The following RANBP2 variants were observed in gnomAD, a reference collection of about 807,000 sequenced individuals.
RANBP2 encodes RAN binding protein 2, also known as E3 SUMO-protein ligase RanBP2.
RANBP2 carries 57 observed loss-of-function variants against 303.6 expected under a neutral mutation model. That is an observed-to-expected ratio of 0.19 (90% CI 0.15 to 0.23). RANBP2 has a LOEUF of 0.23. Among genes scored for constraint, RANBP2 ranks in the 10% least tolerant of loss-of-function variants. The pLI is 1.00. For synonymous variants in RANBP2, 1,167 were observed against 1,301.5 expected, an observed-to-expected ratio of 0.90 and a Z score of 2.23; for missense variants, 3,138 against 3,780.8, an observed-to-expected ratio of 0.83 and a Z score of 4.46.
At chr2:108,871,448 G>T in the RANBP2 span, among the ~76,000 whole-genome samples, 3 of 151,562 alleles carry the variant, frequency 2.0e-5, no homozygotes, top group South Asian at 6.3e-4. Flanking sequence ...AGTTACTCGG[G>T]AGGCAAGGCA....
At chr2:108,905,487 A>G in the RANBP2 span, among the ~76,000 whole-genome samples, 1 of 138,584 alleles carries the variant, frequency 7.2e-6, no homozygotes, top group Non-Finnish European at 1.5e-5. Flanking sequence ...TGGATCAGAA[A>G]GCCTGCCAGG....
chr2:109,560,016 G>T, the RANBP2 span, among the ~76,000 whole-genome samples: 4 of 150,356 alleles, frequency 2.7e-5, no homozygotes, highest in Admixed American at 2.0e-4. Context: ...TGCCTCCTAG[G>T]TTCACGCCAT....
At chr2:108,806,435 G>C in the RANBP2 span, among the ~76,000 whole-genome samples, 1 of 152,168 alleles carries the variant, frequency 6.6e-6, no homozygotes, top group Non-Finnish European at 1.5e-5. Context: ...GGATTTATGA[G>C]CTAATGTGTA....
At chr2:109,263,393 T>G in the RANBP2 span, among the ~76,000 whole-genome samples, 1 of 152,378 alleles carries the variant, frequency 6.6e-6, no homozygotes, top group Middle Eastern at 3.4e-3. Flanking sequence ...TCTTTATTTT[T>G]TATAGGTAGC....
the RANBP2 span, among the ~76,000 whole-genome samples, chr2:109,016,550 G>C: frequency 6.6e-6 from 1 of 152,182 alleles, no homozygotes; most frequent in Non-Finnish European, 1.5e-5. Flanking sequence ...TGCCAGTCCT[G>C]ATCCTAGGCG....
At chr2:108,770,502 T>C (rs971388810) in intron 20 of RANBP2, among the ~76,000 whole-genome samples, 1 of 152,220 alleles carries the variant, frequency 6.6e-6, no homozygotes, top group Non-Finnish European at 1.5e-5. Context: ...GTGCCTATAA[T>C]CCCAGTTACT....
the RANBP2 span, among the ~76,000 whole-genome samples, chr2:109,177,855 A>G: frequency 6.6e-6 from 1 of 152,234 alleles, no homozygotes; most frequent in Admixed American, 6.5e-5. Flanking sequence ...CTTGTAGGTC[A>G]AGAACAAGTA....
At chr2:109,341,149 GAAGAA>G in the RANBP2 span, among the ~76,000 whole-genome samples, 7 of 152,200 alleles carry the variant, frequency 4.6e-5, no homozygotes, top group Admixed American at 4.6e-4. Context: ...GAAACTGACA[GAAGAA>G]AAGAGGGGAC....
the RANBP2 span, among the ~76,000 whole-genome samples, chr2:109,341,728 C>G: frequency 8.5e-5 from 13 of 152,278 alleles, no homozygotes; most frequent in African/African-American, 2.2e-4. Context: ...CTGTGTCTAC[C>G]ATGCAGCCCG....
the RANBP2 span, among the ~76,000 whole-genome samples, chr2:109,172,019 C>T: frequency 1.3e-5 from 2 of 152,234 alleles, no homozygotes; most frequent in African/African-American, 4.8e-5. Context: ...AGGCAGGGCC[C>T]AGCACTGTGG....
the RANBP2 span, among the ~76,000 whole-genome samples, chr2:109,606,476 C>T: frequency 6.6e-6 from 1 of 152,086 alleles, no homozygotes; most frequent in Non-Finnish European, 1.5e-5. Flanking sequence ...ATGGTGAATG[C>T]ACTTCAGCAT....
At chr2:109,436,366 G>A in the RANBP2 span, among the ~76,000 whole-genome samples, 1 of 152,200 alleles carries the variant, frequency 6.6e-6, no homozygotes, top group African/African-American at 2.4e-5. Flanking sequence ...CGGAGTGAAA[G>A]GGCATCTATT....
chr2:108,974,845 C>T, the RANBP2 span, among the ~76,000 whole-genome samples: 1 of 152,200 alleles, frequency 6.6e-6, no homozygotes, highest in South Asian at 2.1e-4. Context: ...TAGCTCTTCC[C>T]ACCACCCCGA....
chr2:109,195,535 A>G, the RANBP2 span, among the ~76,000 whole-genome samples: 7 of 152,192 alleles, frequency 4.6e-5, no homozygotes, highest in Non-Finnish European at 8.8e-5. Context: ...AGGCCTGCTT[A>G]ATTAAGTTTC....
At chr2:109,156,739 G>A in the RANBP2 span, among the ~76,000 whole-genome samples, 4,287 of 152,132 alleles carry the variant, frequency 0.028, 193 homozygotes, top group African/African-American at 0.097. Context: ...CACCGTGCCC[G>A]GCCTGAATTT....
At chr2:109,152,052 C>A in the RANBP2 span, among the ~76,000 whole-genome samples, 1 of 152,226 alleles carries the variant, frequency 6.6e-6, no homozygotes, top group African/African-American at 2.4e-5. Context: ...TCTGACAAGT[C>A]TCATCAGCAG....
the RANBP2 span, among the ~76,000 whole-genome samples, chr2:109,209,163 T>C: frequency 1.3e-5 from 2 of 152,238 alleles, no homozygotes; most frequent in East Asian, 3.8e-4. Flanking sequence ...TGCTGTGGTC[T>C]GCCTGGGCAT....
At chr2:109,115,244 A>G in the RANBP2 span, among the ~76,000 whole-genome samples, 1 of 152,138 alleles carries the variant, frequency 6.6e-6, no homozygotes, top group South Asian at 2.1e-4. Flanking sequence ...AAAGTCTCCC[A>G]TTATTATTGT....
At chr2:109,264,136 C>T in the RANBP2 span, among the ~76,000 whole-genome samples, 3 of 152,076 alleles carry the variant, frequency 2.0e-5, 1 homozygote, top group Admixed American at 2.0e-4. Context: ...GGATCCACCT[C>T]GAGTCTGTGG....
Sources: gnomAD v4.1 joint callset for allele counts (sites outside exome capture counted in the v4.1 genomes callset) on GRCh38, gnomAD v4.1.1 for gene constraint, MANE v1.5 for transcripts, NCBI Gene and HGNC (gene_info 2026-07-23, HGNC 2026-07-21) for gene names.